The following ZMIZ1 variants were observed in gnomAD, a reference collection of about 807,000 sequenced individuals.
ZMIZ1 encodes zinc finger MIZ domain-containing protein 1.
A neutral mutation model predicts 113.9 loss-of-function variants in ZMIZ1; 17 were observed. That is an observed-to-expected ratio of 0.15 (90% CI 0.10 to 0.22). The LOEUF (loss-of-function observed/expected upper bound fraction) is 0.22, where lower values mean the gene tolerates loss of function less well. ZMIZ1 is among the 10% of genes least tolerant of loss of function. The pLI, the probability that ZMIZ1 is intolerant of heterozygous loss-of-function variation, is 1.00. For synonymous variants in ZMIZ1, 607 were observed against 603.1 expected (o/e 1.01, Z -0.09); for missense variants, 1,059 against 1,477.8 (o/e 0.72, Z 4.65).
intron 4 of ZMIZ1, among the ~76,000 whole-genome samples, chr10:79,182,010 A>C (rs1331853673): frequency 6.6e-6 from 1 of 152,182 alleles, no homozygotes; most frequent in Non-Finnish European, 1.5e-5. Flanking sequence ...ACCCAGTGCC[A>C]AGCTGGAGAG....
chr10:79,165,692 G>A (rs942815903), intron 4 of ZMIZ1, among the ~76,000 whole-genome samples: 27 of 152,210 alleles, frequency 1.8e-4, no homozygotes, highest in African/African-American at 6.5e-4. Flanking sequence ...TCAGGCCGGA[G>A]AGTTCGGACC....
intron 7 of ZMIZ1, among the ~76,000 whole-genome samples, chr10:79,261,414 G>A (rs1291341173): frequency 6.6e-6 from 1 of 152,216 alleles, no homozygotes; most frequent in African/African-American, 2.4e-5. Flanking sequence ...GGGGAGGAGG[G>A]AGAGAGCTGC....
At chr10:79,145,157 C>T (rs1416940440) in intron 3 of ZMIZ1, among the ~76,000 whole-genome samples, 1 of 152,004 alleles carries the variant, frequency 6.6e-6, no homozygotes, top group Admixed American at 6.6e-5. Flanking sequence ...TCTGTATCTT[C>T]CTTTCTTCTC....
intron 4 of ZMIZ1, among the ~76,000 whole-genome samples, chr10:79,200,338 C>T (rs1848021467): frequency 6.6e-6 from 1 of 152,208 alleles, no homozygotes; most frequent in Admixed American, 6.5e-5. Flanking sequence ...TAGGGCTGTA[C>T]AGTCCTTCCT....
chr10:79,257,106 C>T (rs767386741), intron 7 of ZMIZ1, among the ~76,000 whole-genome samples: 1 of 152,176 alleles, frequency 6.6e-6, no homozygotes, highest in Non-Finnish European at 1.5e-5. Flanking sequence ...TTAAGCAAGC[C>T]CGAGTGAGCA....
chr10:79,182,317 T>G (rs563862305), intron 4 of ZMIZ1, among the ~76,000 whole-genome samples: 1 of 152,288 alleles, frequency 6.6e-6, no homozygotes, highest in South Asian at 2.1e-4. Context: ...TGCCTCCAGC[T>G]GCTGCCTGAT....
intron 7 of ZMIZ1, among the ~76,000 whole-genome samples, chr10:79,239,905 A>G (rs1399784749): frequency 1.1e-5 from 1 of 92,654 alleles, no homozygotes; most frequent in Non-Finnish European, 2.2e-5. Flanking sequence ...CCCCACCCCA[A>G]CCCCACCCAG....
At chr10:79,179,956 G>C (rs141707291) in intron 4 of ZMIZ1, among the ~76,000 whole-genome samples, 1 of 152,218 alleles carries the variant, frequency 6.6e-6, no homozygotes, top group Non-Finnish European at 1.5e-5. Flanking sequence ...CAGCATCCTG[G>C]GGCCAACGGG....
intron 7 of ZMIZ1, among the ~76,000 whole-genome samples, chr10:79,256,427 C>T (rs1472001541): frequency 6.6e-6 from 1 of 152,210 alleles, no homozygotes; most frequent in Non-Finnish European, 1.5e-5. Flanking sequence ...CCATCCAGAG[C>T]AGCCCCCTCC....
chr10:79,215,588 C>A (rs546125843), intron 6 of ZMIZ1, among the ~76,000 whole-genome samples: 1 of 152,238 alleles, frequency 6.6e-6, no homozygotes, highest in South Asian at 2.1e-4. Context: ...TGTGAGCCAC[C>A]ACACCTGGCC....
chr10:79,141,227 C>T (rs775012567), intron 3 of ZMIZ1, among the ~76,000 whole-genome samples: 43 of 152,198 alleles, frequency 2.8e-4, no homozygotes, highest in Admixed American at 9.2e-4. Context: ...AGGTGTTGAC[C>T]GAGAAAGTCT....
chr10:79,139,456 T>A (rs1489180233), intron 2 of ZMIZ1, among the ~76,000 whole-genome samples: 1 of 152,034 alleles, frequency 6.6e-6, no homozygotes, highest in East Asian at 1.9e-4. Flanking sequence ...AAAACTTATA[T>A]TTATATATTT....
chr10:79,136,689 T>C (rs1413137806), intron 2 of ZMIZ1, among the ~76,000 whole-genome samples: 1 of 152,222 alleles, frequency 6.6e-6, no homozygotes, highest in African/African-American at 2.4e-5. Flanking sequence ...TCTTTAAAAA[T>C]TGGTTATAGT....
At chr10:79,188,849 C>A (rs1261131278) in intron 4 of ZMIZ1, among the ~76,000 whole-genome samples, 3 of 152,324 alleles carry the variant, frequency 2.0e-5, no homozygotes, top group Non-Finnish European at 4.4e-5. Flanking sequence ...TTTTGTAAGG[C>A]CCTTCCCATG....
chr10:79,286,047 T>C (rs901048112), intron 8 of ZMIZ1, among the ~76,000 whole-genome samples: 1 of 152,200 alleles, frequency 6.6e-6, no homozygotes, highest in African/African-American at 2.4e-5. Context: ...TGGACAGGAC[T>C]GTGGCTGGGA....
intron 4 of ZMIZ1, among the ~76,000 whole-genome samples, chr10:79,172,945 T>A (rs1037231921): frequency 6.6e-6 from 1 of 152,108 alleles, no homozygotes; most frequent in African/African-American, 2.4e-5. Context: ...ATACAGGTGT[T>A]TAAATGGTAG....
intron 2 of ZMIZ1, among the ~76,000 whole-genome samples, chr10:79,125,861 G>C (rs1173388219): frequency 6.6e-6 from 1 of 152,208 alleles, no homozygotes; most frequent in African/African-American, 2.4e-5. Flanking sequence ...CCAACATGGC[G>C]CTTCAGGCTA....
At chr10:79,101,601 C>T (rs562648020) in intron 1 of ZMIZ1, among the ~76,000 whole-genome samples, 3 of 152,228 alleles carry the variant, frequency 2.0e-5, no homozygotes, top group South Asian at 2.1e-4. Context: ...TCACAGGACC[C>T]GTGGGGTCAG....
chr10:79,140,591 C>T (rs1338342781), intron 3 of ZMIZ1, among the ~76,000 whole-genome samples: 1 of 152,146 alleles, frequency 6.6e-6, no homozygotes, highest in Non-Finnish European at 1.5e-5. Flanking sequence ...ATCTCTCCAT[C>T]CATCCCTCTT....
Sources: gnomAD v4.1 joint callset for allele counts (sites outside exome capture counted in the v4.1 genomes callset) on GRCh38, gnomAD v4.1.1 for gene constraint, MANE v1.5 for transcripts, NCBI Gene and HGNC (gene_info 2026-07-23, HGNC 2026-07-21) for gene names.